The following TCF4 variants were observed in gnomAD, a reference collection of about 807,000 sequenced individuals.
The protein encoded by TCF4 is SL3-3 enhancer factor 2.
A neutral mutation model predicts 82.1 loss-of-function variants in TCF4; 3 were observed. The ratio of observed to expected loss-of-function variants is 0.04; its 90% CI spans 0.02 to 0.09. The LOEUF is 0.09. Ranked by LOEUF, TCF4 falls within the 10% of genes least tolerant of loss-of-function variation. The probability of loss-of-function intolerance (pLI) is 1.00; values close to 1 mark genes in which losing one functional copy is unlikely to be tolerated. For synonymous variants in TCF4, 276 were observed against 309.6 expected (o/e 0.89, Z 1.14); for missense variants, 518 against 852.7 (o/e 0.61, Z 4.89).
In TCF4 at chr18:55,539,205, G is replaced by T. The variant is rs571687915; in HGVS notation, c.145+46075C>A. Reference sequence around the variant, plus strand: ...TATGGGCCCTAAGGGATAGGGGCTGGAGTTTTTAAACCCACAGAGGCACAG... The same window carrying T: ...TATGGGCCCTAAGGGATAGGGGCTGTAGTTTTTAAACCCACAGAGGCACAG... On this transcript the variant is annotated intron_variant, in intron 3 of 19. Coordinates refer to ENST00000354452, the MANE Select transcript of TCF4 (RefSeq NM_001083962.2). Among the ~76,000 whole-genome samples the T allele has an allele frequency of 8.0e-4, 121 of 152,100 alleles. 1 individual carries two copies. The highest frequency in any genetic ancestry group is 1.5e-3 in the Non-Finnish European group (104 of 68,020).
intron 2 of TCF4, among the ~76,000 whole-genome samples, chr18:55,597,705 A>C (rs2097692546): frequency 6.6e-6 from 1 of 152,096 alleles, no homozygotes; most frequent in Non-Finnish European, 1.5e-5. Context: ...AGTAAATAAT[A>C]TAGAAGGAAT....
rs145880870 is a variant in TCF4 at position 55,493,768 on chromosome 18, G to T, written c.146-29631C>A. ...AATATCCAAATACCAAAATGCCTTT[G>T]TCTCTCTGCAAAAGATGTGACAGTA... On this transcript the variant is annotated intron_variant, in intron 3 of 19. Transcript: ENST00000354452. Among the ~76,000 whole-genome samples the T allele has an allele frequency of 5.3e-3, 804 of 152,120 alleles. 8 individuals carry two copies. Among genetic ancestry groups the T allele is most frequent in the African/African-American group, 0.019 (769 of 41,496 alleles).
rs141202496 is a variant in TCF4 at position 55,446,087 on chromosome 18, G to A, written c.304+14932C>T. Among the ~76,000 whole-genome samples, 255 of 152,270 alleles carry A rather than the reference G, an allele frequency of 1.7e-3. 1 individual carries two copies. The highest frequency in any genetic ancestry group is 6.0e-3 in the African/African-American group (248 of 41,546). On this transcript the variant is annotated intron_variant, in intron 5 of 19. Coordinates refer to ENST00000354452, the MANE Select transcript of TCF4 (RefSeq NM_001083962.2). Reference sequence around the variant, plus strand: ...GTAATGTTTTTCCCCCTTCCTGGATGGAATAGGATATATGTAAGGATAAAT... The same window carrying A: ...GTAATGTTTTTCCCCCTTCCTGGATAGAATAGGATATATGTAAGGATAAAT...
chr18:55,347,155 T>C (rs2081347721), intron 8 of TCF4, among the ~76,000 whole-genome samples: 1 of 152,130 alleles, frequency 6.6e-6, no homozygotes, highest in African/African-American at 2.4e-5. Flanking sequence ...AAATAAATTC[T>C]GACATCAACA....
At chr18:55,300,898 CAG>C (rs1184976628) in intron 8 of TCF4, among the ~76,000 whole-genome samples, 1 of 152,130 alleles carries the variant, frequency 6.6e-6, no homozygotes, top group Non-Finnish European at 1.5e-5. Flanking sequence ...GAGCTCGTCC[CAG>C]AGAACAGGCG....
intron 6 of TCF4, among the ~76,000 whole-genome samples, chr18:55,399,265 G>A (rs1481122947): frequency 3.3e-5 from 5 of 152,094 alleles, no homozygotes; most frequent in East Asian, 1.9e-4. Flanking sequence ...GCTTAATTTC[G>A]ATGAACCAAA....
chr18:55,573,090 A>G (rs1820784684), intron 3 of TCF4, among the ~76,000 whole-genome samples: 1 of 152,044 alleles, frequency 6.6e-6, no homozygotes, highest in South Asian at 2.1e-4. Flanking sequence ...AAGACCATTC[A>G]ATAAGACCCA....
At position 55,559,436 on chromosome 18, in the gene TCF4, G is replaced by A. The variant is rs677629; in HGVS notation, c.145+25844C>T. Among the ~76,000 whole-genome samples the A allele has an allele frequency of 4.0e-3, 604 of 152,016 alleles. 5 individuals are homozygous for A. Among genetic ancestry groups the A allele is most frequent in the African/African-American group, 0.014 (586 of 41,466 alleles). On this transcript the variant is annotated intron_variant, in intron 3 of 19. Transcript: ENST00000354452. ...ACTTATAAACACGGATACTTAAACC[G>A]AATCATGATAATGTTGTGTGTACAT...
intron 8 of TCF4, among the ~76,000 whole-genome samples, chr18:55,280,062 A>T (rs1052486995): frequency 6.6e-6 from 1 of 151,942 alleles, no homozygotes; most frequent in Non-Finnish European, 1.5e-5. Context: ...TAGAGTAAAA[A>T]CTCTACCTTT....
intron 15 of TCF4, among the ~76,000 whole-genome samples, chr18:55,238,440 TG>T (rs1012715458): frequency 6.6e-6 from 1 of 152,240 alleles, no homozygotes; most frequent in African/African-American, 2.4e-5. Flanking sequence ...CCTGTCACTT[TG>T]GGAGACACTG....
chr18:55,394,778 G>T (rs565195322), intron 6 of TCF4, among the ~76,000 whole-genome samples: 4 of 152,146 alleles, frequency 2.6e-5, no homozygotes, highest in East Asian at 3.8e-4. Context: ...AACATGAAAG[G>T]TCCATGCTTT....
intron 8 of TCF4, among the ~76,000 whole-genome samples, chr18:55,293,282 A>C (rs2065556746): frequency 6.6e-6 from 1 of 152,178 alleles, no homozygotes; most frequent in Admixed American, 6.5e-5. Flanking sequence ...TTAAGCAGTA[A>C]GCCTTGTTAT....
chr18:55,527,726 T>G (rs1252804244), intron 3 of TCF4, among the ~76,000 whole-genome samples: 1 of 152,204 alleles, frequency 6.6e-6, no homozygotes, highest in African/African-American at 2.4e-5. Flanking sequence ...AGGAAACCGA[T>G]GTATATCCAA....
At chr18:55,328,774 A>G (rs766218635) in intron 8 of TCF4, among the ~76,000 whole-genome samples, 2 of 152,218 alleles carry the variant, frequency 1.3e-5, no homozygotes, top group African/African-American at 4.8e-5. Flanking sequence ...GGATGTTCTC[A>G]ATTTTAAAAA....
chr18:55,599,844 C>T (rs2097694993), intron 2 of TCF4, among the ~76,000 whole-genome samples: 1 of 152,152 alleles, frequency 6.6e-6, no homozygotes. Flanking sequence ...GAAACATTTC[C>T]AACAACCCAG....
At chr18:55,374,027 G>A (rs1161421979) in intron 6 of TCF4, among the ~76,000 whole-genome samples, 1 of 151,980 alleles carries the variant, frequency 6.6e-6, no homozygotes, top group Non-Finnish European at 1.5e-5. Context: ...TTTTATTAAA[G>A]TGGGACTGTG....
chr18:55,569,523 C>T (rs1037364805), intron 3 of TCF4, among the ~76,000 whole-genome samples: 2 of 151,348 alleles, frequency 1.3e-5, no homozygotes, highest in Non-Finnish European at 2.9e-5. Flanking sequence ...CCAGCCCGGG[C>T]AACAGAGTGA....
chr18:55,309,780 G>T (rs1190234823), intron 8 of TCF4, among the ~76,000 whole-genome samples: 1 of 152,114 alleles, frequency 6.6e-6, no homozygotes, highest in African/African-American at 2.4e-5. Flanking sequence ...GCAAGTTATT[G>T]TTCTACAATT....
intron 2 of TCF4, among the ~76,000 whole-genome samples, chr18:55,600,426 C>T (rs1288928614): frequency 6.6e-6 from 1 of 152,210 alleles, no homozygotes; most frequent in Non-Finnish European, 1.5e-5. Context: ...CAATTAGACT[C>T]TAAACCTCTA....
Sources: allele counts gnomAD v4.1 joint callset (sites outside exome capture counted in the v4.1 genomes callset), GRCh38; gene constraint gnomAD v4.1.1; transcripts MANE v1.5; gene names NCBI Gene and HGNC (gene_info 2026-07-23, HGNC 2026-07-21).